NAV3: variants seen among roughly 807,000 people sequenced by gnomAD.
The protein encoded by NAV3 is neuron navigator 3, also known as pore membrane and/or filament interacting like protein 1.
Under a neutral mutation model 244.7 loss-of-function variants are expected in NAV3, and 87 were observed. The ratio of observed to expected loss-of-function variants is 0.36; its 90% CI spans 0.30 to 0.42. The LOEUF (loss-of-function observed/expected upper bound fraction) is 0.42. Ranked by LOEUF, NAV3 falls within the 20% of genes least tolerant of loss-of-function variation. The probability of loss-of-function intolerance (pLI) is 1.00; values close to 1 mark genes in which losing one functional copy is unlikely to be tolerated. For missense variants in NAV3, 2,663 were observed against 2,893.3 expected, an observed-to-expected ratio of 0.92 and a Z score of 1.83; for synonymous variants, 1,126 against 1,042.2, an observed-to-expected ratio of 1.08 and a Z score of -1.55.
intron 2 of NAV3, among the ~76,000 whole-genome samples, chr12:77,667,472 ACTTGTGG>A (rs1333908883): frequency 6.6e-6 from 1 of 151,920 alleles, no homozygotes; most frequent in Non-Finnish European, 1.5e-5. Context: ...GAGGCCTGTG[ACTTGTGG>A]CTTCCCCCCA....
At chr12:77,933,305 C>T (rs17044484) in intron 1 of NAV3, among the ~76,000 whole-genome samples, 1,713 of 151,988 alleles carry the variant, frequency 0.011, 32 homozygotes, top group African/African-American at 0.035. Flanking sequence ...TGATGAGAAG[C>T]GACCCAGGGC....
chr12:77,634,735 T>C (rs1160822018), intron 2 of NAV3, among the ~76,000 whole-genome samples: 1 of 152,060 alleles, frequency 6.6e-6, no homozygotes, highest in Non-Finnish European at 1.5e-5. Flanking sequence ...AAAAATTCAG[T>C]GGTAATTTTT....
chr12:77,697,980 A>G (rs1393221175), intron 2 of NAV3, among the ~76,000 whole-genome samples: 1 of 152,196 alleles, frequency 6.6e-6, no homozygotes, highest in Non-Finnish European at 1.5e-5. Flanking sequence ...ATGCAAGAAC[A>G]TGGCAAGTTA....
rs2138706351 is a variant in NAV3, at chr12:78,122,406, G to A, written c.4216G>A (p.Val1406Met). 6.2e-7 allele frequency: 1 copy of A among 1,606,222 alleles called. No individual in the cohort carries two copies. The highest frequency in any genetic ancestry group is 8.5e-7 in the Non-Finnish European group (1 of 1,177,242). ...VQSLLMRTGS[V>M]RSTLSESMQL... ...GAGCCTGCTCATGAGAACGGGTAGTGTGAGATCTACTCTCTCAGAAAGGTG... is the reference window on the plus strand; with the variant it reads ...GAGCCTGCTCATGAGAACGGGTAGTATGAGATCTACTCTCTCAGAAAGGTG... The change falls in exon 16 of 40, where the codon GTG becomes ATG. Residue 1406 changes from valine to methionine, a missense_variant. Physicochemically the swap from Val to Met is conservative, Grantham distance 21 (BLOSUM62 1). Around this residue, in one of 6 missense-constraint regions of NAV3, gnomAD observed 354 missense variants for 413.0 expected, o/e 0.86. Coordinates refer to ENST00000397909, the MANE Select transcript of NAV3 (RefSeq NM_001024383.2).
chr12:77,976,898 C>T (rs1311015398), intron 5 of NAV3, among the ~76,000 whole-genome samples: 1 of 151,884 alleles, frequency 6.6e-6, no homozygotes, highest in Non-Finnish European at 1.5e-5. Context: ...AGGATGGTCT[C>T]GATCTTGACC....
intron 2 of NAV3, among the ~76,000 whole-genome samples, chr12:77,672,067 C>A (rs1371746611): frequency 6.6e-6 from 1 of 151,940 alleles, no homozygotes; most frequent in Admixed American, 6.6e-5. Context: ...AAGAAACAAA[C>A]AAGCAATCCC....
rs1267741811 is a variant in NAV3, at chr12:78,163,013, T to C, written c.4869+3727T>C. 2.0e-5 allele frequency among the ~76,000 whole-genome samples: 3 copies of C among 148,398 alleles called. No individual in the cohort carries two copies. In the Admixed American group the frequency reaches 2.0e-4, roughly 10 times the overall value. On this transcript the variant is annotated intron_variant, in intron 23 of 39. Coordinates refer to ENST00000397909, the MANE Select transcript of NAV3 (RefSeq NM_001024383.2). ...GATTTCAGGTGATGATAAGCACTAC[T>C]GAAAAAAGTAAAGCTGAGAATGAGG...
chr12:77,726,782 A>G (rs1876896957), intron 2 of NAV3, among the ~76,000 whole-genome samples: 1 of 151,848 alleles, frequency 6.6e-6, no homozygotes, highest in Non-Finnish European at 1.5e-5. Flanking sequence ...ACTAGTAAAG[A>G]CCCCAAGTCA....
chr12:77,767,501 C>G (rs897616676), intron 2 of NAV3, among the ~76,000 whole-genome samples: 3 of 152,146 alleles, frequency 2.0e-5, no homozygotes, highest in Non-Finnish European at 4.4e-5. Flanking sequence ...GACACTGGAG[C>G]CAGGGATGGA....
chr12:78,102,425 G>A (rs1954582912), intron 12 of NAV3, among the ~76,000 whole-genome samples: 2 of 152,200 alleles, frequency 1.3e-5, no homozygotes, highest in Non-Finnish European at 2.9e-5. Flanking sequence ...GCAGGGTATA[G>A]CACCCCTCCC....
At chr12:77,778,391 TC>T (rs1470663102) in intron 2 of NAV3, among the ~76,000 whole-genome samples, 2 of 151,452 alleles carry the variant, frequency 1.3e-5, no homozygotes, top group Admixed American at 1.3e-4. Flanking sequence ...GGCAGGTGGA[TC>T]ACGAGGTCAG....
At chr12:78,209,420 C>T (rs968755378) in intron 39 of NAV3, among the ~76,000 whole-genome samples, 1 of 151,714 alleles carries the variant, frequency 6.6e-6, no homozygotes, top group African/African-American at 2.4e-5. Context: ...AAAATTGTTA[C>T]AATTTATAAA....
rs550250953 is a variant in NAV3, at chr12:77,732,012, A to G, written c.72+159746A>G. Among the ~76,000 whole-genome samples, 4 of 152,044 alleles carry G rather than the reference A, an allele frequency of 2.6e-5. No individual in the cohort carries two copies. In the East Asian group the frequency reaches 7.7e-4, roughly 29 times the overall value. ...AGGCTACAGAGAACGAGTCGGTAGA[A>G]AGGAAGAGTTTGAAAATAAGGCAAA... On this transcript the variant is annotated intron_variant, in intron 2 of 8. Coordinates refer to the NAV3 transcript ENST00000550042.
chr12:78,002,859 A>T (rs532437251), intron 7 of NAV3, among the ~76,000 whole-genome samples: 2 of 151,874 alleles, frequency 1.3e-5, no homozygotes, highest in Non-Finnish European at 1.5e-5. Flanking sequence ...ATTTATATCT[A>T]TGTATATATC....
At chr12:77,659,118 TTAAAC>T (rs1347581721) in intron 2 of NAV3, among the ~76,000 whole-genome samples, 1 of 151,610 alleles carries the variant, frequency 6.6e-6, no homozygotes, top group Non-Finnish European at 1.5e-5. Flanking sequence ...TGGGATCTAA[TTAAAC>T]TAAAGAGCTT....
rs551937495 is a variant in NAV3 at position 78,023,150 on chromosome 12, C to T, written c.2023+1288C>T. Among the ~76,000 whole-genome samples the T allele has an allele frequency of 1.1e-4, 17 of 152,276 alleles. No homozygotes were observed. The South Asian group carries it at 3.5e-3, about 32-fold the overall frequency. The stretch of plus-strand genomic sequence containing the variant: ...TTTATACATAAATGTCCTCAAATTG[C>T]ATGTTTTAGCACTAGAGCTCAAATC... On this transcript the variant is annotated intron_variant, in intron 9 of 39. Transcript: ENST00000397909.
intron 7 of NAV3, among the ~76,000 whole-genome samples, chr12:77,999,935 G>T (rs1055311008): frequency 6.6e-6 from 1 of 152,112 alleles, no homozygotes; most frequent in East Asian, 1.9e-4. Context: ...CTACCAAAGT[G>T]TCCAATTAAG....
At chr12:77,934,811 G>C (rs1156592175) in intron 1 of NAV3, among the ~76,000 whole-genome samples, 1 of 152,174 alleles carries the variant, frequency 6.6e-6, no homozygotes, top group Non-Finnish European at 1.5e-5. Context: ...GCTACTGCTT[G>C]AATGTTGAAG....
chr12:77,632,323 C>A (rs1419876021), intron 2 of NAV3, among the ~76,000 whole-genome samples: 1 of 152,078 alleles, frequency 6.6e-6, no homozygotes, highest in African/African-American at 2.4e-5. Context: ...AAACACATAC[C>A]CAAGACTGGG....
Sources: gnomAD v4.1 joint callset for allele counts (sites outside exome capture counted in the v4.1 genomes callset) on GRCh38, gnomAD v4.1.1 for gene constraint, gnomAD v4.1.1 regional missense constraint, MANE v1.5 for transcripts, NCBI Gene and HGNC (gene_info 2026-07-23, HGNC 2026-07-21) for gene names.